Variants in C6 observed in about 807,000 individuals in gnomAD.
C6 encodes complement component C6.
A neutral mutation model predicts 112.9 loss-of-function variants in C6; 101 were observed. The ratio of observed to expected loss-of-function variants is 0.89; its 90% CI spans 0.76 to 1.06. The LOEUF is 1.06. C6 is among the 50% of genes least tolerant of loss of function. The probability of loss-of-function intolerance (pLI) is 0.00; values close to 1 mark genes in which losing one functional copy is unlikely to be tolerated. For missense variants in C6, 1,202 were observed against 1,104.6 expected (o/e 1.09, Z -1.25); for synonymous variants, 431 against 384.1 (o/e 1.12, Z -1.43).
chr5:41,172,182 C>A (rs954513922), intron 9 of C6, 43 bp downstream of exon 9: 1 of 1,608,410 alleles, frequency 6.2e-7, no homozygotes, highest in Non-Finnish European at 8.5e-7. Flanking sequence ...GACAGCCAGG[C>A]TCAGGGCACA....
intron 1 of C6, among the ~76,000 whole-genome samples, chr5:41,228,118 T>G (rs769328774): frequency 9.9e-5 from 15 of 152,146 alleles, no homozygotes; most frequent in Non-Finnish European, 1.9e-4. Context: ...ATCTTTCCAT[T>G]TACTTGTGTC....
chr5:41,217,946 C>T (rs1752251163), upstream of C6, among the ~76,000 whole-genome samples: 1 of 152,110 alleles, frequency 6.6e-6, no homozygotes, highest in African/African-American at 2.4e-5. Flanking sequence ...TTCTAAAGCA[C>T]TACTACAATG....
chr5:41,213,755 T>C (rs1456273474), upstream of C6, among the ~76,000 whole-genome samples: 3 of 152,192 alleles, frequency 2.0e-5, no homozygotes, highest in African/African-American at 7.2e-5. Context: ...TTGCTTAAAA[T>C]TGCTGCCCCC....
chr5:41,146,230 C>T (rs1448324858), intron 17 of C6, among the ~76,000 whole-genome samples: 1 of 152,044 alleles, frequency 6.6e-6, no homozygotes, highest in Non-Finnish European at 1.5e-5. Context: ...TACTTAATAT[C>T]TATAAAATAG....
chr5:41,172,546 A>T (rs1386124820), intron 8 of C6, 199 bp from the exon 9 acceptor site: 1 of 621,504 alleles, frequency 1.6e-6, no homozygotes, highest in African/African-American at 1.8e-5. Flanking sequence ...GATGATCCTG[A>T]ACAGGAGTCC....
intron 5 of C6, among the ~76,000 whole-genome samples, chr5:41,190,167 G>GT (rs1173976303): frequency 6.6e-6 from 1 of 152,106 alleles, no homozygotes; most frequent in Non-Finnish European, 1.5e-5. Context: ...GCTGTTTGTA[G>GT]TTTTTTTGAG....
intron 2 of C6, 130 bp from the exon 3 acceptor site, chr5:41,201,844 C>G (rs1035618436): frequency 2.8e-5 from 23 of 826,460 alleles, no homozygotes; most frequent in Non-Finnish European, 4.2e-5. Flanking sequence ...AAAAATTAGG[C>G]AGGTTGGCAT....
chr5:41,178,822 A>G (rs1314061460), intron 7 of C6, among the ~76,000 whole-genome samples: 1 of 151,130 alleles, frequency 6.6e-6, no homozygotes, highest in Non-Finnish European at 1.5e-5. Context: ...GAACTAATCA[A>G]AGATGACAGT....
chr5:41,160,143 G>A lies in C6; in HGVS notation c.1683C>T (p.Ser561=), dbSNP rs749349436. 8.1e-6 allele frequency: 13 copies of A among 1,604,400 alleles called. No individual in the cohort carries two copies. The highest frequency in any genetic ancestry group is 6.6e-5 in the South Asian group (6 of 90,900). Residue 561 remains serine (S), a splice_region_variant and synonymous_variant, in exon 11 of 18, where the codon TCC becomes TCT. Transcript: ENST00000337836. Reference sequence around the variant, plus strand: ...TCACAATAGATTCCTGATACTTACTGGATTTATAATCTGGAGACTGTTTCT... The same window carrying A: ...TCACAATAGATTCCTGATACTTACTAGATTTATAATCTGGAGACTGTTTCT... ...NCEKQSPDYK[S]NAVDGQWGCW... is the part of the protein sequence containing the mutation.
At chr5:41,172,397 T>G (rs994282359) in intron 8 of C6, 50 bp from the exon 9 acceptor site, 39 of 1,592,838 alleles carry the variant, frequency 2.4e-5, no homozygotes, top group Non-Finnish European at 3.3e-5. Flanking sequence ...CCATTGACAA[T>G]TCAAAGAGGA....
In C6 at chr5:41,156,611, C is replaced by T. The variant is rs56777404; in HGVS notation, c.1969-1507G>A. ...GAATTGAAGTTGGGAACTTTGAGAG[C>T]GGTGAAAGCTTAATTGTCAGCTTAT... On this transcript the variant is annotated intron_variant, in intron 13 of 17. Transcript: ENST00000337836. Among the ~76,000 whole-genome samples, 1,369 of 152,194 alleles carry T rather than the reference C, an allele frequency of 9.0e-3. 23 individuals carry two copies. The highest frequency in any genetic ancestry group is 0.03 in the African/African-American group (1,229 of 41,518).
chr5:41,260,131 A>C (rs1316940067), intron 1 of C6, among the ~76,000 whole-genome samples: 2 of 152,154 alleles, frequency 1.3e-5, no homozygotes, highest in Non-Finnish European at 2.9e-5. Flanking sequence ...TTTTTTCCTC[A>C]AAAGTAATTC....
Position 41,160,227 on chromosome 5 carries a change from G to T in C6, c.1599C>A (p.Thr533=). ...CAPCPNNGRP[T]LSGTECLCVC... ...CACACAGACATTCAGTCCCTGAGAGGGTGGGTCGGCCATTATTAGGGCATG... is the reference window on the plus strand; with the variant it reads ...CACACAGACATTCAGTCCCTGAGAGTGTGGGTCGGCCATTATTAGGGCATG... Residue 533 remains threonine (T), a synonymous_variant, in exon 11 of 18, where the codon ACC becomes ACA. Coordinates refer to ENST00000337836, the MANE Select transcript of C6 (RefSeq NM_000065.5). 1 of 1,613,830 alleles carries T rather than the reference G, an allele frequency of 6.2e-7. No individual in the cohort carries two copies. The highest frequency in any genetic ancestry group is 1.1e-5 in the South Asian group (1 of 91,074).
chr5:41,242,097 A>AG (rs1357819129), intron 1 of C6, among the ~76,000 whole-genome samples: 8 of 152,148 alleles, frequency 5.3e-5, no homozygotes, highest in African/African-American at 1.4e-4. Flanking sequence ...GGAAAAAAAA[A>AG]CTTGGAGAAA....
chr5:41,154,971 C>T lies in C6; in HGVS notation c.2101+1G>A, dbSNP rs760079587. On this transcript the variant is annotated splice_donor_variant, in intron 14 of 17. Transcript: ENST00000337836. LOFTEE classifies it high-confidence loss of function. ...AGCAAAATTGTTTGCCCAGTTCTCA[C>T]GTTGGCATTCCACATCCCCTTGTCT... is the stretch of plus-strand genomic sequence containing the variant. 5 of 1,613,682 alleles carry T rather than the reference C, an allele frequency of 3.1e-6. No individual in the cohort carries two copies. The highest frequency in any genetic ancestry group is 1.1e-5 in the South Asian group (1 of 91,084).
At chr5:41,239,552 A>G (rs1462830439) in intron 1 of C6, among the ~76,000 whole-genome samples, 1 of 152,048 alleles carries the variant, frequency 6.6e-6, no homozygotes, top group Admixed American at 6.6e-5. Flanking sequence ...TATACTATCA[A>G]ACATTAGAAC....
rs1750575697 is a variant in C6, at chr5:41,195,868, T to G, written c.511A>C (p.Arg171=). ...ACTGCCTTTGTCCTCCCACAGTCCC[T>G]TTCATCTGAATTGTCTCCACAGTCA... The part of the protein sequence containing the change: ...ENDCGDNSDE[R]DCGRTKAVCT... The change falls in exon 5 of 18, where the codon AGG becomes CGG. Residue 171 remains arginine, a synonymous_variant. Coordinates refer to ENST00000337836, the MANE Select transcript of C6 (RefSeq NM_000065.5). 3.1e-6 allele frequency: 5 copies of G among 1,613,930 alleles called. No individual in the cohort carries two copies. The Admixed American group carries it at 8.3e-5, about 27-fold the overall frequency.
chr5:41,224,414 C>T (rs1257920749), intron 1 of C6, among the ~76,000 whole-genome samples: 2 of 152,122 alleles, frequency 1.3e-5, no homozygotes, highest in African/African-American at 2.4e-5. Flanking sequence ...TTCCCTATCC[C>T]TCCTCCCCAG....
rs192418935 is a variant in C6 at position 41,207,989 on chromosome 5, C to G, written c.-20-4739G>C. 2.8e-3 allele frequency among the ~76,000 whole-genome samples: 420 copies of G among 152,306 alleles called. 1 individual carries two copies. Among genetic ancestry groups the G allele is most frequent in the Middle Eastern group, 0.017 (5 of 294 alleles). On this transcript the variant is annotated intron_variant, in intron 1 of 17. Transcript: ENST00000337836. The stretch of plus-strand genomic sequence containing the variant: ...CCACAGAGTTGGAAGTAAAGCACTC[C>G]TCCGCAAATGTAGAACAGAAATTAC...
Sources: gnomAD v4.1 joint callset for allele counts (sites outside exome capture counted in the v4.1 genomes callset) on GRCh38, gnomAD v4.1.1 for gene constraint, MANE v1.5 for transcripts, NCBI Gene and HGNC (gene_info 2026-07-23, HGNC 2026-07-21) for gene names.